The following TUBA1A variants were observed in gnomAD, a reference collection of about 807,000 sequenced individuals.
TUBA1A encodes tubulin alpha-1A chain.
TUBA1A carries 7 observed loss-of-function variants against 34.6 expected under a neutral mutation model. The ratio of observed to expected loss-of-function variants is 0.20; its 90% CI spans 0.11 to 0.38. The LOEUF is 0.38. Ranked by LOEUF, TUBA1A falls within the 10% of genes least tolerant of loss-of-function variation. The pLI, the probability that TUBA1A is intolerant of heterozygous loss-of-function variation, is 1.00. For synonymous variants in TUBA1A, 193 were observed against 210.2 expected (o/e 0.92, Z 0.71); for missense variants, 19 against 581.3 (o/e 0.03, Z 9.95).
intron 1 of TUBA1A, chr12:49,187,814 T>A (rs957636127): frequency 1.0e-6 from 1 of 982,066 alleles, no homozygotes; most frequent in Non-Finnish European, 1.2e-6. Flanking sequence ...ACCCATCACA[T>A]AATATTCATA....
Position 49,188,923 on chromosome 12 carries a change from C to A in TUBA1A, c.3+54G>T, listed in dbSNP as rs1565628580. ...GAGCTTAAAGGTTTTCCAAGTAGAG[C>A]CTGGGGGCGCTGACTCCACCCAACG... On this transcript the variant is annotated intron_variant, in intron 1 of 3. Coordinates refer to ENST00000301071, the MANE Select transcript of TUBA1A (RefSeq NM_006009.4). This position sits in a 1 kb window ranked among gnomAD's most constrained non-coding sequence, Gnocchi z 4.9. 4 of 1,614,134 alleles carry A rather than the reference C, an allele frequency of 2.5e-6. No individual in the cohort carries two copies. Among genetic ancestry groups the A allele is most frequent in the Non-Finnish European group, 2.5e-6 (3 of 1,180,046 alleles).
In TUBA1A at chr12:49,188,129, C is replaced by T. The variant is rs142248631; in HGVS notation, c.3+848G>A. On this transcript the variant is annotated intron_variant, in intron 1 of 3. Transcript: ENST00000301071. This position sits in a 1 kb window ranked among gnomAD's most constrained non-coding sequence, Gnocchi z 4.9. Reference sequence around the variant, plus strand: ...ACACACACACTTCAGTCGGTCAGGGCAGGGCGTCCCCAGACCAGACATTAA... The same window carrying T: ...ACACACACACTTCAGTCGGTCAGGGTAGGGCGTCCCCAGACCAGACATTAA... 1.3e-5 allele frequency: 13 copies of T among 981,042 alleles called. No homozygotes were observed. The African/African-American group carries it at 2.2e-4, about 17-fold the overall frequency. The allele number at this position is 981,042 out of a possible 1,614,324, so 60.8% of individuals were successfully genotyped here.
chr12:49,188,669 C>T lies in TUBA1A; in HGVS notation c.3+308G>A. ...GGGGCCCAGCCGGGACGCCCCAGAC[C>T]CCTCGGTCGCGGCAGACGGGCTGCC... On this transcript the variant is annotated intron_variant, in intron 1 of 3. Transcript: ENST00000301071. The surrounding 1 kb of genome is among the most constrained non-coding windows in gnomAD (Gnocchi z 4.9). The T allele has an allele frequency of 7.0e-7, 1 of 1,438,026 alleles. No individual in the cohort carries two copies. Among genetic ancestry groups the T allele is most frequent in the Non-Finnish European group, 9.1e-7 (1 of 1,103,120 alleles). 89.1% of individuals were successfully genotyped at this position (1,438,026 alleles called of 1,614,324 possible).
At position 49,186,260 on chromosome 12, in the gene TUBA1A, A is replaced by G. The variant is rs371235784; in HGVS notation, c.375+50T>C. 1.1e-5 allele frequency: 17 copies of G among 1,612,276 alleles called. No individual in the cohort carries two copies. The African/African-American group carries it at 1.9e-4, about 18-fold the overall frequency. On this transcript the variant is annotated intron_variant, in intron 3 of 3. Transcript: ENST00000301071. The surrounding 1 kb of genome is among the most constrained non-coding windows in gnomAD (Gnocchi z 6.6). ...TTTGAAAAAAAAAGCATTATTTCAAATGTGTTCTTTAGGCTCATTAATTTA... is the reference window on the plus strand; with the variant it reads ...TTTGAAAAAAAAAGCATTATTTCAAGTGTGTTCTTTAGGCTCATTAATTTA...
Position 49,184,966 on chromosome 12 carries a change from A to C in TUBA1A, c.*44T>G, listed in dbSNP as rs1592259295. 2 of 1,613,978 alleles carry C rather than the reference A, an allele frequency of 1.2e-6. No homozygotes were observed. The highest frequency in any genetic ancestry group is 1.7e-6 in the Non-Finnish European group (2 of 1,179,872). On this transcript the variant is annotated 3_prime_UTR_variant, in exon 4 of 4. Transcript: ENST00000301071. ...CACAACTTTTCAATGTTTAAAACAGAATAAGCTTCCCTGTAAAAGCAGCAC... is the reference window on the plus strand; with the variant it reads ...CACAACTTTTCAATGTTTAAAACAGCATAAGCTTCCCTGTAAAAGCAGCAC...
At position 49,186,267 on chromosome 12, in the gene TUBA1A, C is replaced by T; in HGVS notation, c.375+43G>A. 2.5e-6 allele frequency: 4 copies of T among 1,612,298 alleles called. No homozygotes were observed. Among genetic ancestry groups the T allele is most frequent in the East Asian group, 2.2e-5 (1 of 44,878 alleles). The stretch of plus-strand genomic sequence containing the variant: ...AAAAAAGCATTATTTCAAATGTGTT[C>T]TTTAGGCTCATTAATTTACTTTATT... On this transcript the variant is annotated intron_variant, in intron 3 of 3. Coordinates refer to ENST00000301071, the MANE Select transcript of TUBA1A (RefSeq NM_006009.4). The surrounding 1 kb of genome is among the most constrained non-coding windows in gnomAD (Gnocchi z 6.6).
In TUBA1A at chr12:49,186,488, GGGAGGA is replaced by G. The variant is rs763578910; in HGVS notation, c.227-36_227-31del. 6.2e-7 allele frequency: 1 copy of G among 1,612,524 alleles called. No homozygotes were observed. Among genetic ancestry groups the G allele is most frequent in the African/African-American group, 1.3e-5 (1 of 74,798 alleles). The stretch of plus-strand genomic sequence containing the variant: ...AGAACATGATGGGGGAGGAGCAGGG[GGGAGGA>G]GGAGGAGGGACGAGGAGCGGGGAGG... On this transcript the variant is annotated intron_variant, in intron 2 of 3. Transcript: ENST00000301071. This position sits in a 1 kb window ranked among gnomAD's most constrained non-coding sequence, Gnocchi z 6.6.
In TUBA1A at chr12:49,186,551, A is replaced by G. The variant is rs752471254; in HGVS notation, c.226+60T>C. The G allele has an allele frequency of 1.4e-5, 22 of 1,612,512 alleles. No homozygotes were observed. The highest frequency in any genetic ancestry group is 1.9e-5 in the Non-Finnish European group (22 of 1,178,798). ...GGGTGAGTGACCAGCGGAGCCCCCC[A>G]GGACAGACCTCCTGTCCCAGCACCC... On this transcript the variant is annotated intron_variant, in intron 2 of 3. Transcript: ENST00000301071. The surrounding 1 kb of genome is among the most constrained non-coding windows in gnomAD (Gnocchi z 6.6).
chr12:49,187,364 T>C (rs1169583235), intron 1 of TUBA1A: 2 of 1,027,626 alleles, frequency 1.9e-6, no homozygotes, highest in African/African-American at 3.5e-5. Context: ...GCTGCATTGC[T>C]GTATTTGCTG....
intron 1 of TUBA1A, chr12:49,187,442 C>T (rs1481783676): frequency 1.0e-6 from 1 of 988,182 alleles, no homozygotes; most frequent in Non-Finnish European, 1.2e-6. Context: ...CAGCAGCTGC[C>T]TACATGATCT....
chr12:49,186,717 C>T lies in TUBA1A; in HGVS notation c.120G>A (p.Lys40=), dbSNP rs1454229079. ...AGGAATCATCTCCTCCCCCAATGGT[C>T]TTGTCACTTGGCATCTGGCCATCGG... The part of the protein sequence containing the change: ...IQPDGQMPSD[K]TIGGGDDSFN... Residue 40 remains lysine, a synonymous_variant, in exon 2 of 4, where the codon AAG becomes AAA. Coordinates refer to ENST00000301071, the MANE Select transcript of TUBA1A (RefSeq NM_006009.4). The surrounding 1 kb of genome is among the most constrained non-coding windows in gnomAD (Gnocchi z 6.6). The T allele has an allele frequency of 2.5e-6, 4 of 1,614,094 alleles. No individual in the cohort carries two copies. The African/African-American group carries it at 5.3e-5, about 22-fold the overall frequency.
Position 49,184,916 on chromosome 12 carries a change from CTACA to C in TUBA1A, c.*90_*93del, listed in dbSNP as rs1942159448. On this transcript the variant is annotated 3_prime_UTR_variant, in exon 4 of 4. Transcript: ENST00000301071. Reference sequence around the variant, plus strand: ...TAATTGTATATGAGAGCATACACTGCTACATACAAATTAACTGATCAGACCACAA... The same window carrying C: ...TAATTGTATATGAGAGCATACACTGCTACAAATTAACTGATCAGACCACAA... The C allele has an allele frequency of 1.9e-6, 3 of 1,595,052 alleles. No individual in the cohort carries two copies. The highest frequency in any genetic ancestry group is 2.6e-6 in the Non-Finnish European group (3 of 1,163,900).
Position 49,188,879 on chromosome 12 carries a change from GA to G in TUBA1A, c.3+97del, listed in dbSNP as rs924532310. Reference sequence around the variant, plus strand: ...CAAAACATACCACCACCCTCGCCCAGAGAGCTTACGAAAGAAAAGAGCTTAA... The same window carrying G: ...CAAAACATACCACCACCCTCGCCCAGGAGCTTACGAAAGAAAAGAGCTTAA... On this transcript the variant is annotated intron_variant, in intron 1 of 3. Transcript: ENST00000301071. The surrounding 1 kb of genome is among the most constrained non-coding windows in gnomAD (Gnocchi z 4.9). 1.9e-6 allele frequency: 3 copies of G among 1,612,974 alleles called. No homozygotes were observed. The African/African-American group carries it at 4.0e-5, about 22-fold the overall frequency.
rs182661252 is a variant in TUBA1A, at chr12:49,189,036, C to T, written c.-57G>A. On this transcript the variant is annotated 5_prime_UTR_variant, in exon 1 of 4. Coordinates refer to ENST00000301071, the MANE Select transcript of TUBA1A (RefSeq NM_006009.4). ...CGGAGACGAAGAGGAGAGGTTGTTG[C>T]TTCTTACAGCGCGACTCTTAGGCGG... The T allele has an allele frequency of 3.0e-3, 4,804 of 1,611,862 alleles. 13 individuals are homozygous for T. The highest frequency in any genetic ancestry group is 3.7e-3 in the South Asian group (340 of 91,040).
Position 49,185,820 on chromosome 12 carries a change from A to T in TUBA1A, c.546T>A (p.Val182=), listed in dbSNP as rs759405602. 6.2e-7 allele frequency: 1 copy of T among 1,613,900 alleles called. No homozygotes were observed. The highest frequency in any genetic ancestry group is 8.5e-7 in the Non-Finnish European group (1 of 1,180,018). Residue 182 remains valine (V), a synonymous_variant, in exon 4 of 4, where the codon GTT becomes GTA. Coordinates refer to ENST00000301071, the MANE Select transcript of TUBA1A (RefSeq NM_006009.4). ...TGGTGAGGATGGAGTTGTAGGGCTCAACTACAGCTGTGGAAACCTGGGGCG... is the reference window on the plus strand; with the variant it reads ...TGGTGAGGATGGAGTTGTAGGGCTCTACTACAGCTGTGGAAACCTGGGGCG... ...YPAPQVSTAV[V]EPYNSILTTH... is the part of the protein sequence containing the mutation.
In TUBA1A at chr12:49,186,856, A is replaced by T. The variant is rs1942188145; in HGVS notation, c.4-23T>A. On this transcript the variant is annotated intron_variant, in intron 1 of 3. Transcript: ENST00000301071. This position sits in a 1 kb window ranked among gnomAD's most constrained non-coding sequence, Gnocchi z 6.6. ...ACGCTGTGGGGAGGAAAAGTGAAAA[A>T]ATCGTAAAATTAAGGTGTATTAGCA... The T allele has an allele frequency of 3.1e-6, 5 of 1,613,982 alleles. No individual in the cohort carries two copies. Among genetic ancestry groups the T allele is most frequent in the African/African-American group, 1.3e-5 (1 of 74,928 alleles).
At position 49,186,549 on chromosome 12, in the gene TUBA1A, C is replaced by T. The variant is rs1476007685; in HGVS notation, c.226+62G>A. 1.9e-6 allele frequency: 3 copies of T among 1,612,398 alleles called. No individual in the cohort carries two copies. Among genetic ancestry groups the T allele is most frequent in the African/African-American group, 2.7e-5 (2 of 74,886 alleles). ...GTGGGTGAGTGACCAGCGGAGCCCC[C>T]CAGGACAGACCTCCTGTCCCAGCAC... On this transcript the variant is annotated intron_variant, in intron 2 of 3. Transcript: ENST00000301071. This position sits in a 1 kb window ranked among gnomAD's most constrained non-coding sequence, Gnocchi z 6.6.
In TUBA1A at chr12:49,188,209, T is replaced by C. The variant is rs1301259127; in HGVS notation, c.3+768A>G. The C allele has an allele frequency of 1.0e-6, 1 of 985,114 alleles. No individual in the cohort carries two copies. Among genetic ancestry groups the C allele is most frequent in the Non-Finnish European group, 1.2e-6 (1 of 829,862 alleles). The allele number at this position is 985,114 out of a possible 1,614,324, so 61.0% of individuals were successfully genotyped here. A position where few individuals can be genotyped will look rare whatever the true frequency, so the allele number is the denominator to read the frequency against. The stretch of plus-strand genomic sequence containing the variant: ...TCAAGAAAAAAAAAAGTCATCTAAC[T>C]TATAATAGTGAAGAAAACCCTTTTG... On this transcript the variant is annotated intron_variant, in intron 1 of 3. Coordinates refer to ENST00000301071, the MANE Select transcript of TUBA1A (RefSeq NM_006009.4). The surrounding 1 kb of genome is among the most constrained non-coding windows in gnomAD (Gnocchi z 4.9).
chr12:49,186,044 C>T lies in TUBA1A; in HGVS notation c.376-54G>A. On this transcript the variant is annotated intron_variant, in intron 3 of 3. Coordinates refer to ENST00000301071, the MANE Select transcript of TUBA1A (RefSeq NM_006009.4). This position sits in a 1 kb window ranked among gnomAD's most constrained non-coding sequence, Gnocchi z 6.6. ...GGTTAAGTTTTTATTCTTTGTAGTA[C>T]AATCATAGTAAATATATTTTCACTT... 6.2e-7 allele frequency: 1 copy of T among 1,607,028 alleles called. No individual in the cohort carries two copies. Among genetic ancestry groups the T allele is most frequent in the African/African-American group, 1.3e-5 (1 of 74,670 alleles).
Sources: allele counts gnomAD v4.1 joint callset, GRCh38; gene constraint gnomAD v4.1.1; non-coding constraint Gnocchi (gnomAD v3.1); transcripts MANE v1.5; gene names NCBI Gene and HGNC (gene_info 2026-07-23, HGNC 2026-07-21).